Variants in SYN2 observed in about 807,000 individuals in gnomAD.
SYN2 encodes synapsin II.
Under a neutral mutation model 50.9 loss-of-function variants are expected in SYN2, and 19 were observed. The ratio of observed to expected loss-of-function variants is 0.37; its 90% CI spans 0.26 to 0.55. The LOEUF (loss-of-function observed/expected upper bound fraction) is 0.55. SYN2 is among the 20% of genes least tolerant of loss of function. The probability of loss-of-function intolerance (pLI) is 0.81; values close to 1 mark genes in which losing one functional copy is unlikely to be tolerated. For missense variants in SYN2, 587 were observed against 576.4 expected, an observed-to-expected ratio of 1.02 and a Z score of -0.19; for synonymous variants, 255 against 224.9, an observed-to-expected ratio of 1.13 and a Z score of -1.20.
chr3:12,080,189 C>G (rs941034523), intron 1 of SYN2, among the ~76,000 whole-genome samples: 2 of 151,570 alleles, frequency 1.3e-5, no homozygotes, highest in Non-Finnish European at 2.9e-5. Context: ...ATTCTTCTCT[C>G]TTTTCTTCTT....
At chr3:12,161,807 C>T (rs1486152532) in intron 6 of SYN2, 199 bp downstream of exon 6, 2 of 963,782 alleles carry the variant, frequency 2.1e-6, no homozygotes, top group Non-Finnish European at 3.1e-6. Flanking sequence ...CTGCTTGGTC[C>T]TCTGGGTCCT....
rs111671915 is a variant in SYN2 at position 12,157,240 on chromosome 3, C to T, written c.775-4306C>T. ...CCCTGGGATTCTATGGGCTCTGCCT[C>T]CAAATCTCATCCAGTTCCACTTCAG... is the stretch of plus-strand genomic sequence containing the variant. On this transcript the variant is annotated intron_variant, in intron 5 of 12. Coordinates refer to ENST00000621198, the MANE Select transcript of SYN2 (RefSeq NM_133625.6). 7.6e-5 allele frequency: 58 copies of T among 762,298 alleles called. 2 individuals are homozygous for T. In the African/African-American group the frequency reaches 8.0e-4, roughly 10 times the overall value. 47.2% of individuals were successfully genotyped at this position (762,298 alleles called of 1,614,324 possible).
Position 12,161,538 on chromosome 3 carries a change from G to A in SYN2, c.775-8G>A. 1 of 1,613,984 alleles carries A rather than the reference G, an allele frequency of 6.2e-7. No homozygotes were observed. The highest frequency in any genetic ancestry group is 8.5e-7 in the Non-Finnish European group (1 of 1,179,890). On this transcript the variant is annotated splice_polypyrimidine_tract_variant and splice_region_variant and intron_variant, in intron 5 of 12. Coordinates refer to ENST00000621198, the MANE Select transcript of SYN2 (RefSeq NM_133625.6). ...CTGACAGTTTATTCATTTCTCTTCTGATTTCAGCTGACACTGCCCACGTTC... is the reference window on the plus strand; with the variant it reads ...CTGACAGTTTATTCATTTCTCTTCTAATTTCAGCTGACACTGCCCACGTTC...
intron 1 of SYN2, among the ~76,000 whole-genome samples, chr3:12,049,729 C>T (rs113092660): frequency 3.0e-4 from 45 of 152,206 alleles, no homozygotes; most frequent in African/African-American, 1.1e-3. Flanking sequence ...TGACATTCTT[C>T]TCTTTTATTC....
chr3:12,165,727 C>G (rs868674235), intron 7 of SYN2: 1 of 152,198 alleles, frequency 6.6e-6, no homozygotes, highest in Admixed American at 6.5e-5. Flanking sequence ...CTTGAGCAGT[C>G]TGGTCACAGG....
intron 10 of SYN2, among the ~76,000 whole-genome samples, chr3:12,172,230 G>A (rs1041378714): frequency 2.6e-5 from 4 of 152,168 alleles, no homozygotes; most frequent in East Asian, 1.9e-4. Context: ...CCTATAAAAT[G>A]GAGTTGAATT....
In SYN2 at chr3:12,020,522, T is replaced by C. The variant is rs542111153; in HGVS notation, c.377+15594T>C. Reference sequence around the variant, plus strand: ...AAAGTTTTGGGAGGTTCCCTGCTGCTATGCCCACTTCCCAGGATCCTGTGC... The same window carrying C: ...AAAGTTTTGGGAGGTTCCCTGCTGCCATGCCCACTTCCCAGGATCCTGTGC... On this transcript the variant is annotated intron_variant, in intron 1 of 12. Transcript: ENST00000621198. Among the ~76,000 whole-genome samples, 7 of 152,238 alleles carry C rather than the reference T, an allele frequency of 4.6e-5. No homozygotes were observed. In the East Asian group the frequency reaches 1.2e-3, roughly 25 times the overall value.
intron 5 of SYN2, chr3:12,154,419 G>C (rs979861735): frequency 1.2e-6 from 2 of 1,614,134 alleles, no homozygotes; most frequent in Admixed American, 1.7e-5. Context: ...TTGCACAGAT[G>C]GATGAAGACT....
At chr3:12,050,847 T>C (rs1242676896) in intron 1 of SYN2, among the ~76,000 whole-genome samples, 1 of 147,462 alleles carries the variant, frequency 6.8e-6, no homozygotes, top group African/African-American at 2.5e-5. Flanking sequence ...GCCATTCTCC[T>C]GCCTCAGCCT....
rs574742699 is a variant in SYN2 at position 12,013,094 on chromosome 3, G to A, written c.377+8166G>A. On this transcript the variant is annotated intron_variant, in intron 1 of 12. Transcript: ENST00000621198. Reference sequence around the variant, plus strand: ...ACTGTATATCTTCCCTTTGGAAGTCGCTTGGCTTCAGGACACTGCATTCTT... The same window carrying A: ...ACTGTATATCTTCCCTTTGGAAGTCACTTGGCTTCAGGACACTGCATTCTT... Among the ~76,000 whole-genome samples, 6 of 152,220 alleles carry A rather than the reference G, an allele frequency of 3.9e-5. No homozygotes were observed. The South Asian group carries it at 1.0e-3, about 26-fold the overall frequency.
chr3:12,168,868 GTC>G (rs1231471243), intron 9 of SYN2, among the ~76,000 whole-genome samples: 1 of 152,086 alleles, frequency 6.6e-6, no homozygotes, highest in Non-Finnish European at 1.5e-5. Context: ...TCTTCTTAGT[GTC>G]TCTCTGAGCC....
At chr3:12,115,781 C>G (rs753987561) in intron 1 of SYN2, among the ~76,000 whole-genome samples, 3 of 152,032 alleles carry the variant, frequency 2.0e-5, no homozygotes, top group Admixed American at 2.0e-4. Flanking sequence ...TATATTTTCC[C>G]CCAGCACTCA....
chr3:12,090,808 T>G (rs1695809714), intron 1 of SYN2, among the ~76,000 whole-genome samples: 1 of 152,100 alleles, frequency 6.6e-6, no homozygotes, highest in Non-Finnish European at 1.5e-5. Context: ...TAACTTTTCC[T>G]CCACAGTTAC....
rs1698265733 is a variant in SYN2, at chr3:12,183,349, C to T, written c.1346C>T (p.Pro449Leu). The change falls in exon 11 of 13, where the codon CCA becomes CTA. Residue 449 changes from proline (P) to leucine (L), a missense_variant. By Grantham distance (98) the Pro-to-Leu change is moderately conservative. Transcript: ENST00000621198. ...AAGGATCCGGACTCAAGCAAGACCC[C>T]ACCTCAGCGGCCACCCCCTCAAGGT... Reference protein sequence around the residue: ...TLKDPDSSKTPPQRPPPQGGP... With the variant: ...TLKDPDSSKTLPQRPPPQGGP... 2 of 1,613,850 alleles carry T rather than the reference C, an allele frequency of 1.2e-6. No individual in the cohort carries two copies. Among genetic ancestry groups the T allele is most frequent in the Non-Finnish European group, 8.5e-7 (1 of 1,179,840 alleles).
At chr3:12,113,474 G>C (rs918360508) in intron 1 of SYN2, among the ~76,000 whole-genome samples, 4 of 152,082 alleles carry the variant, frequency 2.6e-5, no homozygotes, top group Non-Finnish European at 5.9e-5. Flanking sequence ...CAAAATATAA[G>C]ATTCATCATT....
At chr3:12,100,806 A>T (rs1424942242) in intron 1 of SYN2, among the ~76,000 whole-genome samples, 1 of 152,156 alleles carries the variant, frequency 6.6e-6, no homozygotes, top group Non-Finnish European at 1.5e-5. Context: ...ATGACATGGG[A>T]TTTAAATAGA....
At chr3:12,183,765 A>G (rs769376525) in intron 11 of SYN2, 9 of 1,124,448 alleles carry the variant, frequency 8.0e-6, no homozygotes, top group South Asian at 2.2e-5. Context: ...TTTAAAAGTA[A>G]TATATAATGT....
intron 10 of SYN2, among the ~76,000 whole-genome samples, chr3:12,180,313 C>G (rs114519301): frequency 2.0e-5 from 3 of 152,036 alleles, no homozygotes; most frequent in Non-Finnish European, 2.9e-5. Context: ...CAGCTAGGCA[C>G]AAGCACTGCA....
intron 1 of SYN2, among the ~76,000 whole-genome samples, chr3:12,120,316 G>T (rs959819873): frequency 5.3e-5 from 8 of 152,098 alleles, no homozygotes; most frequent in African/African-American, 9.7e-5. Flanking sequence ...TTTCCCAAGG[G>T]GAGGAAACAG....
Sources: gnomAD v4.1 joint callset for allele counts (sites outside exome capture counted in the v4.1 genomes callset) on GRCh38, gnomAD v4.1.1 for gene constraint, MANE v1.5 for transcripts, NCBI Gene and HGNC (gene_info 2026-07-23, HGNC 2026-07-21) for gene names.